Variants in PACRG observed in about 807,000 individuals in gnomAD.
PACRG encodes the protein parkin coregulated.
A neutral mutation model predicts 29.7 loss-of-function variants in PACRG; 29 were observed. That is an observed-to-expected ratio of 0.98 (90% CI 0.73 to 1.33). PACRG has a LOEUF of 1.33. Among genes scored for constraint, PACRG ranks in the 40% most tolerant of loss-of-function variants. PACRG has a pLI of 0.00. For synonymous variants in PACRG, 116 were observed against 118.7 expected (o/e 0.98, Z 0.15); for missense variants, 279 against 316.2 (o/e 0.88, Z 0.89).
chr6:163,067,486 C>A (rs1313565265), intron 3 of PACRG, among the ~76,000 whole-genome samples: 1 of 152,058 alleles, frequency 6.6e-6, no homozygotes, highest in East Asian at 1.9e-4. Context: ...TTAAATGTAA[C>A]CATTCATGGA....
In PACRG at chr6:163,090,875, G is replaced by A. The variant is rs148521266; in HGVS notation, c.613+1467G>A. ...GTCTTAGTTAACATTTTTGAAGTGT[G>A]CGATTCACTAATATTTCCTCAGTAA... On this transcript the variant is annotated intron_variant, in intron 4 of 4. Coordinates refer to ENST00000366888, the MANE Select transcript of PACRG (RefSeq NM_001080379.2). 2.4e-3 allele frequency among the ~76,000 whole-genome samples: 360 copies of A among 152,330 alleles called. 1 individual carries two copies. The highest frequency in any genetic ancestry group is 8.5e-3 in the African/African-American group (352 of 41,580).
At chr6:163,102,865 G>GGTTT (rs200942501) in intron 4 of PACRG, among the ~76,000 whole-genome samples, 7,588 of 152,206 alleles carry the variant, frequency 0.05, 611 homozygotes, top group African/African-American at 0.17. Flanking sequence ...TGAAAGCTAG[G>GGTTT]GTTTGTTTGT....
intron 4 of PACRG, among the ~76,000 whole-genome samples, chr6:163,243,299 C>G (rs1016135241): frequency 3.9e-5 from 6 of 152,178 alleles, no homozygotes; most frequent in Non-Finnish European, 8.8e-5. Flanking sequence ...AGAAGTTCCA[C>G]GGGGAAAGGG....
At chr6:162,975,983 G>T (rs1020072797) in intron 2 of PACRG, among the ~76,000 whole-genome samples, 4 of 152,148 alleles carry the variant, frequency 2.6e-5, no homozygotes, top group Non-Finnish European at 5.9e-5. Flanking sequence ...TGCTGGAAAG[G>T]GCTGGGTGTG....
intron 1 of PACRG, among the ~76,000 whole-genome samples, chr6:162,805,611 G>A (rs747903669): frequency 7.2e-5 from 11 of 152,172 alleles, no homozygotes; most frequent in Non-Finnish European, 1.5e-4. Context: ...TTGATGCACA[G>A]TAAAACTTCT....
chr6:163,182,028 G>T (rs1779700272), intron 4 of PACRG, among the ~76,000 whole-genome samples: 1 of 152,176 alleles, frequency 6.6e-6, no homozygotes, highest in East Asian at 1.9e-4. Context: ...CTTAGGTAGG[G>T]TGTAAGGATT....
rs561187288 is a variant in PACRG at position 162,995,366 on chromosome 6, C to T, written c.292-66784C>T. ...TCGCTGCCGCCTTGCAGTTTGATCT[C>T]AGACTGCTGTGCTAGCAATCAGCGA... On this transcript the variant is annotated intron_variant, in intron 2 of 4. Coordinates refer to ENST00000366888, the MANE Select transcript of PACRG (RefSeq NM_001080379.2). Among the ~76,000 whole-genome samples the T allele has an allele frequency of 7.9e-5, 12 of 151,930 alleles. No individual in the cohort carries two copies. In the South Asian group the frequency reaches 2.5e-3, roughly 32 times the overall value.
intron 2 of PACRG, among the ~76,000 whole-genome samples, chr6:163,056,756 T>C (rs994801744): frequency 2.0e-5 from 3 of 152,174 alleles, no homozygotes; most frequent in Non-Finnish European, 2.9e-5. Flanking sequence ...CTGAGGTTAA[T>C]CAGAAGCCAA....
chr6:162,763,198 C>T (rs1782513379), intron 1 of PACRG, among the ~76,000 whole-genome samples: 1 of 152,168 alleles, frequency 6.6e-6, no homozygotes, highest in African/African-American at 2.4e-5. Flanking sequence ...TTAGAGAGAA[C>T]ATAAAATGAT....
chr6:163,119,961 A>T (rs1022915192), intron 4 of PACRG, among the ~76,000 whole-genome samples: 13 of 152,190 alleles, frequency 8.5e-5, no homozygotes, highest in Non-Finnish European at 1.5e-4. Flanking sequence ...CCAAATGTTC[A>T]TCATTTCTGG....
At chr6:163,202,671 A>G (rs9458750) in intron 4 of PACRG, among the ~76,000 whole-genome samples, 1 of 152,066 alleles carries the variant, frequency 6.6e-6, no homozygotes, top group African/African-American at 2.4e-5. Flanking sequence ...CCTAGAGAGG[A>G]TTCTAGCAAA....
chr6:163,109,324 A>G (rs75846880), intron 4 of PACRG, among the ~76,000 whole-genome samples: 12,465 of 152,266 alleles, frequency 0.082, 594 homozygotes, highest in Non-Finnish European at 0.097. Flanking sequence ...TGCCCCTACT[A>G]TGCTGTAACA....
intron 2 of PACRG, among the ~76,000 whole-genome samples, chr6:162,983,083 G>A (rs1161282104): frequency 2.0e-5 from 3 of 151,766 alleles, no homozygotes; most frequent in Non-Finnish European, 4.4e-5. Context: ...TTTAACTGTT[G>A]TTGCCTTAAA....
At chr6:163,071,303 A>G (rs537049866) in intron 3 of PACRG, among the ~76,000 whole-genome samples, 1 of 152,232 alleles carries the variant, frequency 6.6e-6, no homozygotes, top group South Asian at 2.1e-4. Context: ...TCACAAAACA[A>G]CTCTTAAAAC....
intron 3 of PACRG, 54 bp downstream of exon 3, chr6:163,062,375 CA>C: frequency 6.6e-7 from 1 of 1,515,202 alleles, no homozygotes. Context: ...TGCTTTTTGA[CA>C]ACTTGCTAAT....
At chr6:162,910,199 T>C (rs1796213955) in intron 2 of PACRG, among the ~76,000 whole-genome samples, 1 of 152,210 alleles carries the variant, frequency 6.6e-6, no homozygotes, top group Non-Finnish European at 1.5e-5. Flanking sequence ...ATTTCTTAGG[T>C]AAGTGAACTG....
At chr6:163,037,688 T>C (rs1034413007) in intron 2 of PACRG, among the ~76,000 whole-genome samples, 1 of 152,120 alleles carries the variant, frequency 6.6e-6, no homozygotes, top group South Asian at 2.1e-4. Flanking sequence ...CACCCCAGGA[T>C]TTCCCTCAGT....
intron 2 of PACRG, among the ~76,000 whole-genome samples, chr6:162,905,920 G>A (rs1328190791): frequency 5.3e-5 from 8 of 152,144 alleles, no homozygotes; most frequent in Admixed American, 6.5e-5. Context: ...ACTAGAACCC[G>A]TGGTCTCCCT....
intron 2 of PACRG, among the ~76,000 whole-genome samples, chr6:162,930,982 T>G (rs1797810169): frequency 6.6e-6 from 1 of 151,904 alleles, no homozygotes; most frequent in African/African-American, 2.4e-5. Context: ...TTTGCTAGTA[T>G]TTTGTTGATA....
Sources: gnomAD v4.1 joint callset for allele counts (sites outside exome capture counted in the v4.1 genomes callset) on GRCh38, gnomAD v4.1.1 for gene constraint, MANE v1.5 for transcripts, NCBI Gene and HGNC (gene_info 2026-07-23, HGNC 2026-07-21) for gene names.